NDUFAF5: variants seen among roughly 807,000 people sequenced by gnomAD.
The protein encoded by NDUFAF5 is NADH:ubiquinone oxidoreductase complex assembly factor 5.
Under a neutral mutation model 48.9 loss-of-function variants are expected in NDUFAF5, and 34 were observed. The observed-to-expected ratio is 0.70, with a 90% confidence interval of 0.53 to 0.93. The LOEUF (loss-of-function observed/expected upper bound fraction) is 0.93. Ranked by LOEUF, NDUFAF5 falls within the 40% of genes least tolerant of loss-of-function variation. The pLI, the probability that NDUFAF5 is intolerant of heterozygous loss-of-function variation, is 0.00. For missense variants in NDUFAF5, 428 were observed against 427.5 expected, an observed-to-expected ratio of 1.00 and a Z score of -0.01; for synonymous variants, 153 against 150.6, an observed-to-expected ratio of 1.02 and a Z score of -0.12.
intron 9 of NDUFAF5, 54 bp from the exon 10 acceptor site, chr20:13,816,821 G>C: frequency 8.2e-7 from 1 of 1,212,494 alleles, no homozygotes; most frequent in Non-Finnish European, 1.2e-6. Flanking sequence ...TTATTGAGCA[G>C]AAATTTTTTC....
Position 13,817,422 on chromosome 20 carries a change from A to T in NDUFAF5, c.*212A>T, listed in dbSNP as rs1568788952. The T allele has an allele frequency of 3.0e-6, 2 of 674,060 alleles. No individual in the cohort carries two copies. Among genetic ancestry groups the T allele is most frequent in the Non-Finnish European group, 5.4e-6 (2 of 368,728 alleles). 41.8% of individuals were successfully genotyped at this position (674,060 alleles called of 1,614,324 possible). The stretch of plus-strand genomic sequence containing the variant: ...TAAGGATACTGCTGAGTGTCTTTGC[A>T]GATTCAGCCTAAAAGCAAAGAAAAT... On this transcript the variant is annotated 3_prime_UTR_variant, in exon 11 of 11. Transcript: ENST00000378106.
chr20:13,788,618 G>T lies in NDUFAF5; in HGVS notation c.293G>T (p.Cys98Phe), dbSNP rs1981631441. ...TTCCCCCTTGCTTTGGATCTTGGTT[G>T]TGGAAGAGGTTACATTGCACAATAT... ...RNFPLALDLG[C>F]GRGYIAQYLN... The change falls in exon 3 of 11, where the codon TGT becomes TTT. Residue 98 changes from cysteine (C) to phenylalanine (F), a missense_variant. Transcript: ENST00000378106. The T allele has an allele frequency of 6.2e-7, 1 of 1,612,280 alleles. No individual in the cohort carries two copies. Among genetic ancestry groups the T allele is most frequent in the African/African-American group, 1.3e-5 (1 of 74,850 alleles).
rs1021889478 is a variant in NDUFAF5 at position 13,820,060 on chromosome 20, C to T, written c.*2850C>T. 1 of 152,156 alleles carries T rather than the reference C, an allele frequency of 6.6e-6. No individual in the cohort carries two copies. The highest frequency in any genetic ancestry group is 1.5e-5 in the Non-Finnish European group (1 of 68,038). The allele number at this position is 152,156 out of a possible 1,614,324, so 9.4% of individuals were successfully genotyped here. ...TTATAGTTGTCAGTCTGACAGGGCT[C>T]TAGTATGTGCACACCGTGACACCTG... On this transcript the variant is annotated 3_prime_UTR_variant, in exon 11 of 11. Coordinates refer to ENST00000378106, the MANE Select transcript of NDUFAF5 (RefSeq NM_024120.5).
At chr20:13,796,920 A>C (rs1430700597) in intron 5 of NDUFAF5, among the ~76,000 whole-genome samples, 12 of 152,228 alleles carry the variant, frequency 7.9e-5, no homozygotes, top group Non-Finnish European at 1.8e-4. Flanking sequence ...CAGAGGTTGC[A>C]GTGAGCCAAG....
chr20:13,808,115 T>G (rs1398257483), intron 7 of NDUFAF5, among the ~76,000 whole-genome samples: 1 of 152,174 alleles, frequency 6.6e-6, no homozygotes, highest in Non-Finnish European at 1.5e-5. Flanking sequence ...TCTGGCCCTG[T>G]GTTCTATAAG....
chr20:13,796,529 A>G (rs1275750790), intron 5 of NDUFAF5, among the ~76,000 whole-genome samples: 1 of 152,220 alleles, frequency 6.6e-6, no homozygotes, highest in Non-Finnish European at 1.5e-5. Flanking sequence ...CATGAGCTTA[A>G]CACAGTATGG....
chr20:13,809,059 G>A lies in NDUFAF5; in HGVS notation c.778+157G>A, dbSNP rs1985487439. ...TCCATTGTTGAGGAGAAAGCAGACT[G>A]TCTTCATGGAGCTTCTGATATAAAA... is the stretch of plus-strand genomic sequence containing the variant. On this transcript the variant is annotated intron_variant, in intron 8 of 10. Coordinates refer to ENST00000378106, the MANE Select transcript of NDUFAF5 (RefSeq NM_024120.5). The A allele has an allele frequency of 1.6e-5, 10 of 640,576 alleles. No homozygotes were observed. In the South Asian group the frequency reaches 1.8e-4, roughly 11 times the overall value. 39.7% of individuals were successfully genotyped at this position (640,576 alleles called of 1,614,324 possible). A position where few individuals can be genotyped will look rare whatever the true frequency, so the allele number is the denominator to read the frequency against.
chr20:13,816,526 C>G lies in NDUFAF5; in HGVS notation c.842C>G (p.Ala281Gly). The G allele has an allele frequency of 6.2e-7, 1 of 1,613,924 alleles. No homozygotes were observed. The highest frequency in any genetic ancestry group is 1.1e-5 in the South Asian group (1 of 91,072). The change falls in exon 9 of 11, where the codon GCA becomes GGA. Residue 281 changes from alanine (A) to glycine (G), a missense_variant. By Grantham distance (60) the Ala-to-Gly change is moderately conservative. Coordinates refer to ENST00000378106, the MANE Select transcript of NDUFAF5 (RefSeq NM_024120.5). Reference protein sequence around the residue: ...KALLHRDTMLAAAAVYREMYR... With the variant: ...KALLHRDTMLGAAAVYREMYR... The stretch of plus-strand genomic sequence containing the variant: ...CTGCTGCATCGAGACACAATGCTGG[C>G]AGCTGCGGCAGTGTACAGAGGTAAG...
intron 8 of NDUFAF5, chr20:13,816,067 C>T: frequency 3.1e-6 from 1 of 321,468 alleles, no homozygotes; most frequent in Non-Finnish European, 6.1e-6. Context: ...GGCATTGTTG[C>T]ACTGACCTGT....
At chr20:13,807,698 C>T (rs1489574418) in intron 7 of NDUFAF5, among the ~76,000 whole-genome samples, 2 of 151,840 alleles carry the variant, frequency 1.3e-5, no homozygotes. Context: ...AATCCCAGCA[C>T]TTTGGGAGGC....
In NDUFAF5 at chr20:13,816,555, C is replaced by A. The variant is rs375237186; in HGVS notation, c.862+9C>A. The A allele has an allele frequency of 1.2e-6, 2 of 1,609,558 alleles. No homozygotes were observed. Among genetic ancestry groups the A allele is most frequent in the Admixed American group, 3.3e-5 (2 of 59,958 alleles). On this transcript the variant is annotated intron_variant, in intron 9 of 10. Transcript: ENST00000378106. ...TGCGGCAGTGTACAGAGGTAAGGGGCGACCACTCTTTCACCCGCCTCACCA... is the reference window on the plus strand; with the variant it reads ...TGCGGCAGTGTACAGAGGTAAGGGGAGACCACTCTTTCACCCGCCTCACCA...
At chr20:13,785,776 C>T (rs1032645494) in intron 1 of NDUFAF5, among the ~76,000 whole-genome samples, 2 of 152,078 alleles carry the variant, frequency 1.3e-5, no homozygotes, top group Admixed American at 6.5e-5. Context: ...TAAAATAGCT[C>T]ATTAAGAGCT....
chr20:13,785,122 G>C lies in NDUFAF5; in HGVS notation c.54G>C (p.Arg18Ser). 6.2e-7 allele frequency: 1 copy of C among 1,613,832 alleles called. No homozygotes were observed. The stretch of plus-strand genomic sequence containing the variant: ...TATGTCGGCGACCTTGGGCGGCGAG[G>C]GTCCCAGCGGAGAATCTTGGCCGTA... ...WRLCRRPWAA[R>S]VPAENLGRRE... is the part of the protein sequence containing the mutation. Residue 18 changes from arginine to serine, a missense_variant, in exon 1 of 11, where the codon AGG (arginine) becomes AGC (serine). Physicochemically the swap from Arg to Ser is moderately radical, Grantham distance 110. Transcript: ENST00000378106.
chr20:13,788,764 G>T, intron 3 of NDUFAF5, 112 bp downstream of exon 3: 1 of 684,912 alleles, frequency 1.5e-6, no homozygotes. Context: ...AATTATATCA[G>T]AATTGTTAAT....
At chr20:13,808,588 G>C (rs891512877) in intron 7 of NDUFAF5, among the ~76,000 whole-genome samples, 3 of 152,158 alleles carry the variant, frequency 2.0e-5, no homozygotes, top group Non-Finnish European at 4.4e-5. Context: ...CTCTTATTCT[G>C]TGTGGTTCCC....
intron 7 of NDUFAF5, among the ~76,000 whole-genome samples, chr20:13,807,849 T>A (rs1985286219): frequency 6.6e-6 from 1 of 151,778 alleles, no homozygotes; most frequent in Admixed American, 6.6e-5. Context: ...CTCGGGAGGC[T>A]GAGGCACAAG....
In NDUFAF5 at chr20:13,817,861, T is replaced by A; in HGVS notation, c.*651T>A. 2.2e-6 allele frequency: 1 copy of A among 454,148 alleles called. No individual in the cohort carries two copies. The highest frequency in any genetic ancestry group is 1.6e-5 in the South Asian group (1 of 64,478). The allele number at this position is 454,148 out of a possible 1,614,324, so 28.1% of individuals were successfully genotyped here. Reference sequence around the variant, plus strand: ...TAATTTCAGGGCTTAAGCACTATTATCCTAATCCAAGTTCACAGTCCTGTT... The same window carrying A: ...TAATTTCAGGGCTTAAGCACTATTAACCTAATCCAAGTTCACAGTCCTGTT... On this transcript the variant is annotated 3_prime_UTR_variant, in exon 11 of 11. Coordinates refer to ENST00000378106, the MANE Select transcript of NDUFAF5 (RefSeq NM_024120.5).
intron 7 of NDUFAF5, 103 bp downstream of exon 7, chr20:13,801,786 T>C (rs1984194183): frequency 3.1e-6 from 3 of 974,616 alleles, no homozygotes; most frequent in Non-Finnish European, 4.8e-6. Flanking sequence ...TTCATGGCAC[T>C]CTTTCTCTCC....
intron 7 of NDUFAF5, among the ~76,000 whole-genome samples, chr20:13,805,095 T>C (rs1399146735): frequency 6.6e-6 from 1 of 152,168 alleles, no homozygotes; most frequent in Non-Finnish European, 1.5e-5. Context: ...CAACCTATCA[T>C]TGAGATGAAA....
Sources: gnomAD v4.1 joint callset for allele counts (sites outside exome capture counted in the v4.1 genomes callset) on GRCh38, gnomAD v4.1.1 for gene constraint, MANE v1.5 for transcripts, NCBI Gene and HGNC (gene_info 2026-07-23, HGNC 2026-07-21) for gene names.